The following CKAP5 variants were observed in gnomAD, a reference collection of about 807,000 sequenced individuals.
CKAP5 encodes cytoskeleton associated protein 5.
CKAP5 carries 27 observed loss-of-function variants against 232.8 expected under a neutral mutation model. The ratio of observed to expected loss-of-function variants is 0.12; its 90% CI spans 0.09 to 0.16. The LOEUF is 0.16. CKAP5 is among the 10% of genes least tolerant of loss of function. The pLI is 1.00. For missense variants in CKAP5, 1,838 were observed against 2,424.7 expected, an observed-to-expected ratio of 0.76 and a Z score of 5.08; for synonymous variants, 785 against 841.1, an observed-to-expected ratio of 0.93 and a Z score of 1.16.
At chr11:46,780,094 A>G (rs1350335934) in intron 20 of CKAP5, 100 bp downstream of exon 20, 1 of 1,293,494 alleles carries the variant, frequency 7.7e-7, no homozygotes, top group Non-Finnish European at 1.1e-6. Flanking sequence ...CAGGCTCCTG[A>G]GTAGCTGGGA....
In CKAP5 at chr11:46,784,679, C is replaced by A. The variant is rs762948611; in HGVS notation, c.1969-6G>T. 2 of 1,611,504 alleles carry A rather than the reference C, an allele frequency of 1.2e-6. No individual in the cohort carries two copies. The highest frequency in any genetic ancestry group is 1.7e-6 in the Non-Finnish European group (2 of 1,178,030). The stretch of plus-strand genomic sequence containing the variant: ...TGAAGCTTCATTTGCATCACCTGAA[C>A]AAGGATCAGTATCATAAAGCTAAGA... On this transcript the variant is annotated splice_region_variant and splice_polypyrimidine_tract_variant and intron_variant, in intron 16 of 43. Coordinates refer to ENST00000529230, the MANE Select transcript of CKAP5 (RefSeq NM_001008938.4).
chr11:46,754,121 C>T (rs1040824288), intron 36 of CKAP5, among the ~76,000 whole-genome samples: 3 of 152,034 alleles, frequency 2.0e-5, no homozygotes, highest in African/African-American at 7.2e-5. Flanking sequence ...CCTCAGCCTC[C>T]CGAGTAGCTG....
intron 1 of CKAP5, among the ~76,000 whole-genome samples, chr11:46,835,169 G>T (rs1182031586): frequency 6.6e-6 from 1 of 151,946 alleles, no homozygotes; most frequent in African/African-American, 2.4e-5. Flanking sequence ...AATAGAATCT[G>T]TTTGAGAGAA....
At position 46,795,727 on chromosome 11, in the gene CKAP5, C is replaced by G; in HGVS notation, c.1517G>C (p.Gly506Ala). Residue 506 changes from glycine (G) to alanine (A), a missense_variant, in exon 13 of 44, where the codon GGA (glycine) becomes GCA (alanine). Transcript: ENST00000529230. ...GAATTCCTTCTTATCAGCAGCTAGT[C>G]CAGCTTTCTTACCATGTATCAGTTC... ...KVELIHGKKAGLAADKKEFKP... is the reference protein window; with the variant it reads ...KVELIHGKKAALAADKKEFKP... 6.2e-7 allele frequency: 1 copy of G among 1,614,038 alleles called. No homozygotes were observed.
chr11:46,752,233 C>CACACA (rs1249478199), intron 38 of CKAP5, among the ~76,000 whole-genome samples: 1 of 141,094 alleles, frequency 7.1e-6, no homozygotes, highest in Non-Finnish European at 1.5e-5. Context: ...CACACACACA[C>CACACA]GTGTATTATA....
intron 38 of CKAP5, 142 bp from the exon 39 acceptor site, chr11:46,751,676 C>CA (rs2065065564): frequency 1.4e-6 from 1 of 693,090 alleles, no homozygotes; most frequent in Non-Finnish European, 2.4e-6. Flanking sequence ...TCAAGTTCAG[C>CA]TGCTAAAACA....
intron 16 of CKAP5, among the ~76,000 whole-genome samples, chr11:46,785,249 G>A (rs754029107): frequency 9.2e-5 from 14 of 152,300 alleles, no homozygotes; most frequent in Middle Eastern, 3.4e-3. Context: ...TCTTTGTACT[G>A]TGTGAATATT....
chr11:46,778,398 A>G (rs2065308936), intron 21 of CKAP5, 62 bp downstream of exon 21: 2 of 1,604,618 alleles, frequency 1.2e-6, no homozygotes. Flanking sequence ...ATTCAAAAAG[A>G]AGACAACATT....
intron 1 of CKAP5, among the ~76,000 whole-genome samples, chr11:46,839,002 G>A (rs2134721235): frequency 6.6e-6 from 1 of 151,968 alleles, no homozygotes; most frequent in East Asian, 1.9e-4. Context: ...CTAGTTTGTT[G>A]CAGGCATTGT....
chr11:46,779,134 A>T (rs538531105), intron 20 of CKAP5, among the ~76,000 whole-genome samples: 596 of 149,420 alleles, frequency 4.0e-3, no homozygotes, highest in South Asian at 7.4e-3. Context: ...AAACATAAAA[A>T]TTTTTTTTTT....
chr11:46,779,261 G>C (rs1245760996), intron 20 of CKAP5, among the ~76,000 whole-genome samples: 1 of 151,158 alleles, frequency 6.6e-6, no homozygotes, highest in South Asian at 2.1e-4. Flanking sequence ...AGCCTCCTAA[G>C]TAGCTGGGAT....
At position 46,776,373 on chromosome 11, in the gene CKAP5, C is replaced by T; in HGVS notation, c.2873G>A (p.Arg958Gln). 1.2e-6 allele frequency: 2 copies of T among 1,610,518 alleles called. No individual in the cohort carries two copies. The highest frequency in any genetic ancestry group is 1.7e-6 in the Non-Finnish European group (2 of 1,178,378). The change falls in exon 24 of 44, where the codon CGA becomes CAA. Residue 958 changes from arginine to glutamine, a missense_variant. By Grantham distance (43) the Arg-to-Gln change is conservative (BLOSUM62 1). Transcript: ENST00000529230. ...TVLGDSKNNV[R>Q]AAALATVNAW... ...ATTCACAGTCGCTAGGGCAGCAGCTCGAACATTGTTCTAAATGGAGAAGAT... is the reference window on the plus strand; with the variant it reads ...ATTCACAGTCGCTAGGGCAGCAGCTTGAACATTGTTCTAAATGGAGAAGAT...
chr11:46,808,817 A>C (rs1397692845), intron 7 of CKAP5, among the ~76,000 whole-genome samples: 1 of 152,224 alleles, frequency 6.6e-6, no homozygotes, highest in Non-Finnish European at 1.5e-5. Context: ...CACTGACAAC[A>C]TTAAAAAGAC....
chr11:46,823,223 T>C (rs1939583022), intron 1 of CKAP5, among the ~76,000 whole-genome samples: 1 of 151,996 alleles, frequency 6.6e-6, no homozygotes. Flanking sequence ...CCACTGATCG[T>C]GAGCCACCGC....
chr11:46,788,891 G>A lies in CKAP5; in HGVS notation c.1876-118C>T, dbSNP rs142830630. 5.0e-5 allele frequency: 34 copies of A among 681,376 alleles called. No homozygotes were observed. The East Asian group carries it at 9.5e-4, about 19-fold the overall frequency. The allele number at this position is 681,376 out of a possible 1,614,324, so 42.2% of individuals were successfully genotyped here. On this transcript the variant is annotated intron_variant, in intron 15 of 43. Coordinates refer to ENST00000529230, the MANE Select transcript of CKAP5 (RefSeq NM_001008938.4). ...AAGAAAGGAGTGGAATAGAACTGAG[G>A]AGGGTTATTGAGGGAGCTTATATAG...
intron 24 of CKAP5, among the ~76,000 whole-genome samples, chr11:46,772,342 G>T (rs2065254991): frequency 6.6e-6 from 1 of 151,732 alleles, no homozygotes; most frequent in African/African-American, 2.4e-5. Context: ...TTCCTTTTAT[G>T]GATTATGGTT....
chr11:46,836,039 A>G (rs569568064), intron 1 of CKAP5, among the ~76,000 whole-genome samples: 25 of 152,332 alleles, frequency 1.6e-4, no homozygotes, highest in African/African-American at 6.0e-4. Context: ...TCTACAAAAC[A>G]ACTGACTAGT....
In CKAP5 at chr11:46,754,794, G is replaced by C; in HGVS notation, c.4869+94C>G. The C allele has an allele frequency of 4.8e-6, 5 of 1,031,752 alleles. No homozygotes were observed. The South Asian group carries it at 7.8e-5, about 16-fold the overall frequency. 63.9% of individuals were successfully genotyped at this position (1,031,752 alleles called of 1,614,324 possible). A position where few individuals can be genotyped will look rare whatever the true frequency, so the allele number is the denominator to read the frequency against. ...ATGTAAAATTCTACCAAGTGACACA[G>C]GACTCACTGCAACATCTGCATGGAC... On this transcript the variant is annotated intron_variant, in intron 36 of 43. Coordinates refer to ENST00000529230, the MANE Select transcript of CKAP5 (RefSeq NM_001008938.4).
intron 4 of CKAP5, among the ~76,000 whole-genome samples, chr11:46,811,908 T>C (rs565376934): frequency 5.9e-5 from 9 of 152,370 alleles, no homozygotes; most frequent in Admixed American, 1.3e-4. Flanking sequence ...TTCATTTACC[T>C]AGATAGATCA....
Sources: allele counts gnomAD v4.1 joint callset (sites outside exome capture counted in the v4.1 genomes callset), GRCh38; gene constraint gnomAD v4.1.1; transcripts MANE v1.5; gene names NCBI Gene and HGNC (gene_info 2026-07-23, HGNC 2026-07-21).